PARD3B: variants seen among roughly 807,000 people sequenced by gnomAD.
PARD3B encodes partitioning defective 3 homolog B.
In PARD3B, 103 loss-of-function variants were observed where a neutral mutation model predicts 130.2. The ratio of observed to expected loss-of-function variants is 0.79; its 90% CI spans 0.67 to 0.93. The LOEUF (loss-of-function observed/expected upper bound fraction) is 0.93. PARD3B is among the 40% of genes least tolerant of loss of function. The pLI is 0.00. For synonymous variants in PARD3B, 583 were observed against 553.2 expected, an observed-to-expected ratio of 1.05 and a Z score of -0.76; for missense variants, 1,609 against 1,499.2, an observed-to-expected ratio of 1.07 and a Z score of -1.21.
chr2:205,002,999 G>A (rs983496282), intron 3 of PARD3B, among the ~76,000 whole-genome samples: 1 of 152,202 alleles, frequency 6.6e-6, no homozygotes, highest in African/African-American at 2.4e-5. Flanking sequence ...GTTCCAGGCT[G>A]ATGTGGAGCT....
chr2:204,912,991 G>T (rs1409940286), intron 2 of PARD3B, among the ~76,000 whole-genome samples: 1 of 152,112 alleles, frequency 6.6e-6, no homozygotes, highest in Non-Finnish European at 1.5e-5. Context: ...GCCCACTGAT[G>T]GTAATTTAGC....
intron 10 of PARD3B, among the ~76,000 whole-genome samples, chr2:205,152,119 C>T (rs2033799889): frequency 1.3e-5 from 2 of 152,200 alleles, no homozygotes; most frequent in South Asian, 4.1e-4. Context: ...ACAGTTTCTG[C>T]CAAGAGATCA....
chr2:205,161,691 G>A (rs777591108), intron 11 of PARD3B, among the ~76,000 whole-genome samples: 5 of 152,068 alleles, frequency 3.3e-5, no homozygotes, highest in Non-Finnish European at 5.9e-5. Flanking sequence ...GTGTCTCTGG[G>A]GCAGAGGAGA....
chr2:205,454,419 A>G (rs983835823), intron 20 of PARD3B, among the ~76,000 whole-genome samples: 2 of 152,192 alleles, frequency 1.3e-5, no homozygotes, highest in Non-Finnish European at 2.9e-5. Context: ...TGGTATACTC[A>G]TAATTATCCA....
At chr2:205,567,863 C>A (rs2053415060) in intron 22 of PARD3B, among the ~76,000 whole-genome samples, 1 of 151,902 alleles carries the variant, frequency 6.6e-6, no homozygotes, top group East Asian at 1.9e-4. Context: ...CAGTACAGAG[C>A]ACATTAATGA....
intron 2 of PARD3B, among the ~76,000 whole-genome samples, chr2:204,958,248 T>A (rs562542306): frequency 6.6e-6 from 1 of 152,158 alleles, no homozygotes; most frequent in African/African-American, 2.4e-5. Context: ...ATGCTACAGG[T>A]TGGCAACAGA....
chr2:204,801,449 C>T (rs549239881), intron 2 of PARD3B, among the ~76,000 whole-genome samples: 111 of 152,176 alleles, frequency 7.3e-4, no homozygotes, highest in Non-Finnish European at 1.1e-3. Flanking sequence ...AAGTTGTATA[C>T]CTAGGTATTT....
Position 205,156,404 on chromosome 2 carries a change from A to C in PARD3B, c.1435-2318A>C, listed in dbSNP as rs951736549. Among the ~76,000 whole-genome samples the C allele has an allele frequency of 2.6e-5, 4 of 152,050 alleles. No homozygotes were observed. In the South Asian group the frequency reaches 8.3e-4, roughly 32 times the overall value. On this transcript the variant is annotated intron_variant, in intron 10 of 22. Coordinates refer to ENST00000406610, the MANE Select transcript of PARD3B (RefSeq NM_001302769.2). ...TTGTGCACATGTACCCTAAAACTTA[A>C]AGTATAATAATAATAAAATTTAAAA...
Position 205,327,008 on chromosome 2 carries a change from G to A in PARD3B, c.2630+25307G>A, listed in dbSNP as rs577684453. Among the ~76,000 whole-genome samples the A allele has an allele frequency of 7.2e-5, 11 of 152,290 alleles. No individual in the cohort carries two copies. In the South Asian group the frequency reaches 2.3e-3, roughly 32 times the overall value. On this transcript the variant is annotated intron_variant, in intron 18 of 22. Transcript: ENST00000406610. ...TTCTGACACCAAATAGTTCTGTAAT[G>A]TAGGGTCTTTAACTTTTGATATCTT... is the stretch of plus-strand genomic sequence containing the variant.
At chr2:204,553,691 TATATACACAC>T (rs2030701444) in intron 1 of PARD3B, among the ~76,000 whole-genome samples, 1 of 113,060 alleles carries the variant, frequency 8.8e-6, no homozygotes, top group African/African-American at 4.6e-5. Context: ...TATATATATA[TATATACACAC>T]ATATATATAA....
At chr2:205,089,737 T>G (rs973970665) in intron 4 of PARD3B, among the ~76,000 whole-genome samples, 1 of 152,224 alleles carries the variant, frequency 6.6e-6, no homozygotes, top group African/African-American at 2.4e-5. Context: ...TGTTCAACTT[T>G]TTTGTATCCA....
At chr2:204,607,562 T>C (rs985238058) in intron 1 of PARD3B, among the ~76,000 whole-genome samples, 2 of 152,172 alleles carry the variant, frequency 1.3e-5, no homozygotes, top group Non-Finnish European at 2.9e-5. Flanking sequence ...GTGTATCTAC[T>C]TTTCATTTTG....
At chr2:205,370,654 G>T (rs1474258366) in intron 18 of PARD3B, among the ~76,000 whole-genome samples, 2 of 152,196 alleles carry the variant, frequency 1.3e-5, no homozygotes, top group African/African-American at 4.8e-5. Flanking sequence ...GCTAAGAATT[G>T]CTCTTGGATG....
At chr2:205,475,083 A>C (rs187610197) in intron 20 of PARD3B, among the ~76,000 whole-genome samples, 33 of 152,316 alleles carry the variant, frequency 2.2e-4, no homozygotes, top group African/African-American at 6.5e-4. Context: ...CTTGACAAAA[A>C]TGAATGATTA....
rs1327338147 is a variant in PARD3B at position 205,128,922 on chromosome 2, C to T, written c.1434+3185C>T. 1.3e-5 allele frequency among the ~76,000 whole-genome samples: 2 copies of T among 152,164 alleles called. No individual in the cohort carries two copies. Among genetic ancestry groups the T allele is most frequent in the South Asian group, 4.1e-4 (2 of 4,826 alleles). ...GCAGCTGTATGTGTTATTTCACTCTCATTTAATGGAATTTAGTGAAATTTG... is the reference window on the plus strand; with the variant it reads ...GCAGCTGTATGTGTTATTTCACTCTTATTTAATGGAATTTAGTGAAATTTG... On this transcript the variant is annotated intron_variant, in intron 10 of 22. Coordinates refer to ENST00000406610, the MANE Select transcript of PARD3B (RefSeq NM_001302769.2). This position sits in a 1 kb window ranked among gnomAD's most constrained non-coding sequence, Gnocchi z 4.5.
intron 2 of PARD3B, among the ~76,000 whole-genome samples, chr2:204,761,871 G>A (rs987844228): frequency 1.3e-5 from 2 of 151,692 alleles, no homozygotes; most frequent in Admixed American, 6.6e-5. Flanking sequence ...TGTAGTCCGT[G>A]GTATAGTTAT....
chr2:204,572,044 G>A (rs1226777453), intron 1 of PARD3B, among the ~76,000 whole-genome samples: 2 of 152,150 alleles, frequency 1.3e-5, no homozygotes, highest in Admixed American at 1.3e-4. Flanking sequence ...ATCAGTCTTT[G>A]AGTAACTTTG....
intron 18 of PARD3B, among the ~76,000 whole-genome samples, chr2:205,376,738 C>T (rs553605567): frequency 1.3e-5 from 2 of 152,214 alleles, no homozygotes; most frequent in South Asian, 2.1e-4. Flanking sequence ...AAAATCATTA[C>T]TGAGCAGTCC....
In PARD3B at chr2:204,545,886, C is replaced by T; in HGVS notation, c.-114C>T. ...CCGGGCCTCAGGGTGTTCCGGGGAG[C>T]GGCGCCCCGGGTCTCTGGGCCCACC... On this transcript the variant is annotated 5_prime_UTR_variant, in exon 1 of 23. Transcript: ENST00000406610. 8.3e-6 allele frequency: 10 copies of T among 1,207,284 alleles called. 1 individual carries two copies. Among genetic ancestry groups the T allele is most frequent in the East Asian group, 3.1e-5 (1 of 32,532 alleles). 74.8% of individuals were successfully genotyped at this position (1,207,284 alleles called of 1,614,324 possible).
Sources: gnomAD v4.1 joint callset for allele counts (sites outside exome capture counted in the v4.1 genomes callset) on GRCh38, gnomAD v4.1.1 for gene constraint, Gnocchi (gnomAD v3.1) non-coding constraint, MANE v1.5 for transcripts, NCBI Gene and HGNC (gene_info 2026-07-23, HGNC 2026-07-21) for gene names.